The following PLPPR1 variants were observed in gnomAD, a reference collection of about 807,000 sequenced individuals.
PLPPR1 encodes the protein phospholipid phosphatase-related protein type 1.
PLPPR1 carries 10 observed loss-of-function variants against 33.1 expected under a neutral mutation model. The observed-to-expected ratio is 0.30, with a 90% CI of 0.19 to 0.51. The LOEUF is 0.51. PLPPR1 is among the 20% of genes least tolerant of loss of function. The probability of loss-of-function intolerance (pLI) is 0.97; values close to 1 mark genes in which losing one functional copy is unlikely to be tolerated. For synonymous variants in PLPPR1, 151 were observed against 151.0 expected (o/e 1.00, Z 0.00); for missense variants, 304 against 408.1 (o/e 0.74, Z 2.20).
chr9:101,079,071 C>A (rs1396195771), intron 1 of PLPPR1, among the ~76,000 whole-genome samples: 4 of 152,058 alleles, frequency 2.6e-5, no homozygotes, highest in African/African-American at 9.7e-5. Flanking sequence ...GAGGAAATGC[C>A]ATCCTCCCTA....
rs57344415 is a variant in PLPPR1, at chr9:101,322,198, CAAAAAAAAAAAA to C, written c.946-1808_946-1797del. Among the ~76,000 whole-genome samples, 13 of 27,676 alleles carry C rather than the reference CAAAAAAAAAAAA, an allele frequency of 4.7e-4. No homozygotes were observed. In the South Asian group the frequency reaches 0.012, roughly 26 times the overall value. The allele number at this position is 27,676 out of a possible 152,430, so 18.2% of individuals were successfully genotyped here. ...GGGGGACAACAGCAAGACTTCATCT[CAAAAAAAAAAAA>C]AAAAAAAAAAAAAAAAAAGACAGAA... On this transcript the variant is annotated intron_variant, in intron 7 of 7. Transcript: ENST00000374874.
chr9:101,055,337 A>G (rs770112012), intron 1 of PLPPR1, among the ~76,000 whole-genome samples: 1 of 152,214 alleles, frequency 6.6e-6, no homozygotes, highest in African/African-American at 2.4e-5. Context: ...AAAACCAAAT[A>G]ATAGGCTATG....
chr9:101,137,414 T>C (rs1049207865), intron 1 of PLPPR1, among the ~76,000 whole-genome samples: 1 of 152,184 alleles, frequency 6.6e-6, no homozygotes, highest in Non-Finnish European at 1.5e-5. Context: ...TAGGAATCGA[T>C]GGAAGAAGGA....
chr9:101,240,988 T>A (rs1474885274), intron 2 of PLPPR1, among the ~76,000 whole-genome samples: 5 of 152,108 alleles, frequency 3.3e-5, no homozygotes, highest in Non-Finnish European at 4.4e-5. Context: ...GCAATGACCT[T>A]AAGCCATTAA....
chr9:101,275,273 G>A (rs929258227), intron 3 of PLPPR1, among the ~76,000 whole-genome samples: 7 of 152,196 alleles, frequency 4.6e-5, no homozygotes, highest in South Asian at 4.1e-4. Context: ...GCACTGCTGC[G>A]CGTCTGCAGA....
chr9:101,204,130 AC>A (rs1826545889), intron 2 of PLPPR1, among the ~76,000 whole-genome samples: 1 of 152,208 alleles, frequency 6.6e-6, no homozygotes, highest in Admixed American at 6.5e-5. Context: ...TACTGAGTTA[AC>A]CTAAGCTTGG....
chr9:101,191,762 A>G (rs1000114110), intron 2 of PLPPR1, among the ~76,000 whole-genome samples: 3 of 152,192 alleles, frequency 2.0e-5, no homozygotes, highest in African/African-American at 7.2e-5. Flanking sequence ...CTATGAAACC[A>G]TTAATAACTC....
intron 4 of PLPPR1, among the ~76,000 whole-genome samples, chr9:101,303,664 C>T (rs761020482): frequency 5.3e-5 from 8 of 152,112 alleles, no homozygotes; most frequent in East Asian, 1.9e-4. Flanking sequence ...GTAAAAGCTG[C>T]GGTTCAGACT....
chr9:101,092,526 C>T (rs1057414656), intron 1 of PLPPR1, among the ~76,000 whole-genome samples: 2 of 152,144 alleles, frequency 1.3e-5, no homozygotes, highest in African/African-American at 2.4e-5. Flanking sequence ...CCAGCCTTGC[C>T]TACCTCTTGA....
intron 1 of PLPPR1, among the ~76,000 whole-genome samples, chr9:101,079,363 A>T (rs1415942118): frequency 6.6e-6 from 1 of 152,110 alleles, no homozygotes; most frequent in Non-Finnish European, 1.5e-5. Context: ...GTTTTGCTGG[A>T]GCACATCTCT....
At chr9:101,115,503 G>C (rs573480201) in intron 1 of PLPPR1, among the ~76,000 whole-genome samples, 1 of 152,346 alleles carries the variant, frequency 6.6e-6, no homozygotes, top group South Asian at 2.1e-4. Context: ...AGTTGAGATT[G>C]AAAGATGTGT....
chr9:101,249,324 T>C (rs897606133), intron 2 of PLPPR1, among the ~76,000 whole-genome samples: 3 of 152,100 alleles, frequency 2.0e-5, no homozygotes, highest in African/African-American at 7.2e-5. Context: ...CATTCAAGCA[T>C]GTATTTAAAA....
At chr9:101,293,337 C>T (rs1261381614) in intron 4 of PLPPR1, among the ~76,000 whole-genome samples, 2 of 151,780 alleles carry the variant, frequency 1.3e-5, no homozygotes, top group African/African-American at 4.9e-5. Flanking sequence ...GACTTAGACT[C>T]CCACACAATA....
intron 1 of PLPPR1, among the ~76,000 whole-genome samples, chr9:101,124,740 A>G (rs1831223586): frequency 6.6e-6 from 1 of 152,170 alleles, no homozygotes; most frequent in South Asian, 2.1e-4. Context: ...GTGGGCACCC[A>G]CACAGGCACC....
intron 1 of PLPPR1, among the ~76,000 whole-genome samples, chr9:101,131,268 C>A (rs1281404763): frequency 6.6e-6 from 1 of 152,152 alleles, no homozygotes; most frequent in Non-Finnish European, 1.5e-5. Flanking sequence ...TACCTGAACT[C>A]CTGAACCCGC....
intron 1 of PLPPR1, among the ~76,000 whole-genome samples, chr9:101,151,774 A>G (rs746584109): frequency 1.2e-4 from 18 of 152,170 alleles, no homozygotes; most frequent in African/African-American, 2.7e-4. Context: ...AATCTTTCCC[A>G]GTACAAAACT....
intron 2 of PLPPR1, among the ~76,000 whole-genome samples, chr9:101,201,051 C>T (rs530976138): frequency 6.6e-6 from 1 of 152,260 alleles, no homozygotes; most frequent in Middle Eastern, 3.4e-3. Context: ...TTTCACGGTT[C>T]TGGGGACTGG....
intron 4 of PLPPR1, among the ~76,000 whole-genome samples, chr9:101,304,901 C>T (rs950087594): frequency 6.6e-6 from 1 of 152,146 alleles, no homozygotes; most frequent in African/African-American, 2.4e-5. Flanking sequence ...TGGATCTAGT[C>T]CTCTTGGAAT....
At chr9:101,253,278 T>C (rs1827743324) in intron 2 of PLPPR1, among the ~76,000 whole-genome samples, 1 of 151,930 alleles carries the variant, frequency 6.6e-6, no homozygotes, top group Non-Finnish European at 1.5e-5. Flanking sequence ...CCAGGCATGG[T>C]GGTTCATGCC....
Sources: allele counts gnomAD v4.1 joint callset (sites outside exome capture counted in the v4.1 genomes callset), GRCh38; gene constraint gnomAD v4.1.1; transcripts MANE v1.5; gene names NCBI Gene and HGNC (gene_info 2026-07-23, HGNC 2026-07-21).